The following RBFOX1 variants were observed in gnomAD, a reference collection of about 807,000 sequenced individuals.
The protein encoded by RBFOX1 is RNA binding protein fox-1 homolog 1.
A neutral mutation model predicts 57.7 loss-of-function variants in RBFOX1; 8 were observed. The ratio of observed to expected loss-of-function variants is 0.14; its 90% CI spans 0.08 to 0.25. The LOEUF is 0.25. RBFOX1 is among the 10% of genes least tolerant of loss of function. The pLI is 1.00. For missense variants in RBFOX1, 611 were observed against 548.5 expected (o/e 1.11, Z -1.14); for synonymous variants, 326 against 222.4 (o/e 1.47, Z -4.15).
chr16:6,707,640 G>A (rs11862447), intron 3 of RBFOX1, among the ~76,000 whole-genome samples: 11,906 of 152,040 alleles, frequency 0.078, 505 homozygotes, highest in East Asian at 0.088. Context: ...ATGAACTGCC[G>A]TCTCCAGAAA....
chr16:5,520,286 T>G (rs1322484090), intron 2 of RBFOX1, among the ~76,000 whole-genome samples: 1 of 152,188 alleles, frequency 6.6e-6, no homozygotes, highest in African/African-American at 2.4e-5. Flanking sequence ...TAGAAAATTT[T>G]CATGTTCAGG....
intron 3 of RBFOX1, among the ~76,000 whole-genome samples, chr16:5,664,446 G>A (rs1425615821): frequency 2.6e-5 from 4 of 152,064 alleles, no homozygotes; most frequent in Non-Finnish European, 5.9e-5. Flanking sequence ...TACTCGGGAG[G>A]CTGAGGCAGA....
At chr16:6,446,771 C>A (rs565778954) in intron 2 of RBFOX1, among the ~76,000 whole-genome samples, 1 of 152,138 alleles carries the variant, frequency 6.6e-6, no homozygotes, top group East Asian at 1.9e-4. Flanking sequence ...TTAGTGTCTG[C>A]ATTATAATAA....
intron 1 of RBFOX1, among the ~76,000 whole-genome samples, chr16:5,282,223 G>A (rs543181457): frequency 3.9e-5 from 6 of 152,104 alleles, no homozygotes; most frequent in South Asian, 4.1e-4. Context: ...CTTGACTTCC[G>A]CAATGATTTT....
At chr16:6,172,715 G>T (rs148719103) in intron 1 of RBFOX1, among the ~76,000 whole-genome samples, 52 of 152,338 alleles carry the variant, frequency 3.4e-4, no homozygotes, top group African/African-American at 1.2e-3. Flanking sequence ...CACATATAGA[G>T]TACATCACAA....
chr16:7,481,401 A>T (rs973357446), intron 4 of RBFOX1, among the ~76,000 whole-genome samples: 6 of 152,326 alleles, frequency 3.9e-5, no homozygotes, highest in Admixed American at 3.9e-4. Context: ...CTGCTAAATT[A>T]TTCAGATACT....
At chr16:7,208,642 C>T (rs536027139) in intron 4 of RBFOX1, among the ~76,000 whole-genome samples, 2 of 151,982 alleles carry the variant, frequency 1.3e-5, no homozygotes, top group Non-Finnish European at 2.9e-5. Flanking sequence ...TTCAGAGCAA[C>T]CTGGGCAACA....
rs911339626 is a variant in RBFOX1 at position 7,440,137 on chromosome 16, C to T, written c.28-78010C>T. On this transcript the variant is annotated intron_variant, in intron 4 of 15. Coordinates refer to ENST00000550418, the MANE Select transcript of RBFOX1 (RefSeq NM_018723.4). ...TCTCGAACTCCTGGGCTCAAGAGAC[C>T]TGCCTGCCTCAGCCTCCCAAACTGC... Among the ~76,000 whole-genome samples the T allele has an allele frequency of 2.6e-5, 4 of 151,848 alleles. 1 individual carries two copies. The highest frequency in any genetic ancestry group is 4.4e-5 in the Non-Finnish European group (3 of 67,976).
chr16:6,985,424 A>T (rs2090023592), intron 3 of RBFOX1, among the ~76,000 whole-genome samples: 1 of 152,208 alleles, frequency 6.6e-6, no homozygotes, highest in Non-Finnish European at 1.5e-5. Flanking sequence ...AGGCAGGAAG[A>T]TCACTTCAGC....
At chr16:6,233,650 C>T in intron 1 of RBFOX1, among the ~76,000 whole-genome samples, 1 of 152,194 alleles carries the variant, frequency 6.6e-6, no homozygotes, top group South Asian at 2.1e-4. Context: ...ACTGTGCCAC[C>T]CAGCCTGGAG....
chr16:6,263,241 A>G (rs893335709), intron 1 of RBFOX1, among the ~76,000 whole-genome samples: 1 of 152,174 alleles, frequency 6.6e-6, no homozygotes, highest in Non-Finnish European at 1.5e-5. Context: ...TTTGAAATCC[A>G]TTTGTGTAGA....
intron 4 of RBFOX1, among the ~76,000 whole-genome samples, chr16:6,007,982 T>G (rs369984719): frequency 6.6e-6 from 1 of 152,094 alleles, no homozygotes; most frequent in Non-Finnish European, 1.5e-5. Flanking sequence ...GGAGGTTGAC[T>G]TGGGCAGATC....
intron 3 of RBFOX1, among the ~76,000 whole-genome samples, chr16:5,734,023 T>G (rs2052482259): frequency 6.6e-6 from 1 of 152,184 alleles, no homozygotes; most frequent in African/African-American, 2.4e-5. Flanking sequence ...AACTTCGTTG[T>G]CCATGTAATA....
At chr16:7,542,714 A>AT (rs2083286312) in intron 5 of RBFOX1, among the ~76,000 whole-genome samples, 1 of 150,714 alleles carries the variant, frequency 6.6e-6, no homozygotes, top group African/African-American at 2.4e-5. Context: ...AAAAAAAAAA[A>AT]AAAAAAGCCA....
chr16:6,387,358 T>C (rs532913161), intron 2 of RBFOX1, among the ~76,000 whole-genome samples: 36 of 152,210 alleles, frequency 2.4e-4, no homozygotes, highest in African/African-American at 7.7e-4. Flanking sequence ...GTTGTTCTCA[T>C]TGGAATCTTG....
At chr16:6,687,911 A>G (rs7190683) in intron 3 of RBFOX1, among the ~76,000 whole-genome samples, 149,080 of 152,256 alleles carry the variant, frequency 0.98, 73,068 homozygotes, top group East Asian at 1. Context: ...ATTTCTCTCC[A>G]CCGTATTTTC....
intron 4 of RBFOX1, among the ~76,000 whole-genome samples, chr16:5,871,646 T>A (rs951703323): frequency 6.6e-6 from 1 of 152,142 alleles, no homozygotes; most frequent in Admixed American, 6.5e-5. Context: ...CAGCTGTATA[T>A]TAACACAAAG....
intron 4 of RBFOX1, among the ~76,000 whole-genome samples, chr16:7,342,040 C>T (rs1271540599): frequency 6.6e-6 from 1 of 152,030 alleles, no homozygotes; most frequent in African/African-American, 2.4e-5. Flanking sequence ...GTTCATTCCA[C>T]ATTGTTCTCA....
intron 1 of RBFOX1, among the ~76,000 whole-genome samples, chr16:5,271,844 G>A (rs909913700): frequency 2.0e-5 from 3 of 152,146 alleles, no homozygotes; most frequent in Non-Finnish European, 2.9e-5. Context: ...GTAAAATCAT[G>A]CAGTATTTGT....
Sources: gnomAD v4.1 joint callset for allele counts (sites outside exome capture counted in the v4.1 genomes callset) on GRCh38, gnomAD v4.1.1 for gene constraint, MANE v1.5 for transcripts, NCBI Gene and HGNC (gene_info 2026-07-23, HGNC 2026-07-21) for gene names.